The following BICC1 variants were observed in gnomAD, a reference collection of about 807,000 sequenced individuals.
BICC1 encodes protein bicaudal C homolog 1.
Under a neutral mutation model 111.0 loss-of-function variants are expected in BICC1, and 43 were observed. The observed-to-expected ratio is 0.39, with a 90% confidence interval of 0.30 to 0.50. The LOEUF (loss-of-function observed/expected upper bound fraction) is 0.50. Ranked by LOEUF, BICC1 falls within the 20% of genes least tolerant of loss-of-function variation. The pLI is 0.88. For synonymous variants in BICC1, 467 were observed against 434.4 expected (o/e 1.07, Z -0.93); for missense variants, 1,091 against 1,203.2 (o/e 0.91, Z 1.38).
chr10:58,584,923 T>G (rs1217469594), intron 1 of BICC1, among the ~76,000 whole-genome samples: 1 of 152,200 alleles, frequency 6.6e-6, no homozygotes, highest in African/African-American at 2.4e-5. Flanking sequence ...TATTAATGAT[T>G]GTGTATTTTT....
chr10:58,576,474 G>A (rs1844115757), intron 1 of BICC1, among the ~76,000 whole-genome samples: 1 of 152,158 alleles, frequency 6.6e-6, no homozygotes, highest in African/African-American at 2.4e-5. Flanking sequence ...CACGGTTCAT[G>A]TACAAGCAAG....
At position 58,796,507 on chromosome 10, in the gene BICC1, C is replaced by A; in HGVS notation, c.1347C>A (p.Gly449=). 1 of 1,613,660 alleles carries A rather than the reference C, an allele frequency of 6.2e-7. No individual in the cohort carries two copies. Among genetic ancestry groups the A allele is most frequent in the Non-Finnish European group, 8.5e-7 (1 of 1,179,820 alleles). The change falls in exon 10 of 21, where the codon GGC becomes GGA. Residue 449 remains glycine (G), a synonymous_variant. Transcript: ENST00000373886. ...CPSLDILASA[G]LGLTGLGLLG... ...GCCTGGATATCTTAGCTTCAGCAGG[C>A]CTTGGACTCACTGGACTAGGTATAC...
chr10:58,733,011 CT>C (rs1841363321), intron 3 of BICC1, among the ~76,000 whole-genome samples: 3 of 92,628 alleles, frequency 3.2e-5, no homozygotes, highest in Non-Finnish European at 6.3e-5. Flanking sequence ...TTCCACAAAC[CT>C]TAAATTTGTT....
At chr10:58,674,657 G>A (rs989129730) in intron 2 of BICC1, among the ~76,000 whole-genome samples, 1 of 152,124 alleles carries the variant, frequency 6.6e-6, no homozygotes, top group African/African-American at 2.4e-5. Flanking sequence ...TATCATAAGA[G>A]GTGATATAGC....
chr10:58,662,827 C>G (rs1838885694), intron 2 of BICC1, among the ~76,000 whole-genome samples: 1 of 152,146 alleles, frequency 6.6e-6, no homozygotes, highest in African/African-American at 2.4e-5. Flanking sequence ...GAGTTCTGAA[C>G]ATTCAGTTAC....
At chr10:58,586,616 CTCA>C (rs1844436027) in intron 1 of BICC1, among the ~76,000 whole-genome samples, 1 of 44,458 alleles carries the variant, frequency 2.2e-5, no homozygotes, top group African/African-American at 8.2e-5. Context: ...CTCACTCTCT[CTCA>C]AAAAAAAAAA....
chr10:58,602,218 A>G (rs148277605), intron 1 of BICC1, among the ~76,000 whole-genome samples: 1 of 152,286 alleles, frequency 6.6e-6, no homozygotes, highest in East Asian at 1.9e-4. Context: ...ACTGTAGCAG[A>G]TTCATTTTAA....
chr10:58,702,213 G>A, intron 3 of BICC1, 70 bp downstream of exon 3: 2 of 1,290,926 alleles, frequency 1.5e-6, no homozygotes, highest in Admixed American at 1.8e-5. Flanking sequence ...CAGGTTTGCT[G>A]GGGAGAAAAC....
intron 3 of BICC1, among the ~76,000 whole-genome samples, chr10:58,767,529 A>G (rs1842491143): frequency 6.6e-6 from 1 of 152,182 alleles, no homozygotes; most frequent in African/African-American, 2.4e-5. Flanking sequence ...ACACACACGC[A>G]GAAACCCGAC....
Position 58,784,981 on chromosome 10 carries a change from C to G in BICC1, c.308-20C>G, listed in dbSNP as rs768616894. 1 of 1,416,952 alleles carries G rather than the reference C, an allele frequency of 7.1e-7. No homozygotes were observed. The highest frequency in any genetic ancestry group is 9.8e-7 in the Non-Finnish European group (1 of 1,024,648). The allele number at this position is 1,416,952 out of a possible 1,614,324, so 87.8% of individuals were successfully genotyped here. ...CAGAGTTTGGGAGTTTCACACAAGC[C>G]TTTTATTTCTTTCTTATAGATCCCC... On this transcript the variant is annotated intron_variant, in intron 3 of 20. Coordinates refer to ENST00000373886, the MANE Select transcript of BICC1 (RefSeq NM_001080512.3).
intron 3 of BICC1, among the ~76,000 whole-genome samples, chr10:58,765,114 G>T (rs756280956): frequency 2.3e-4 from 35 of 152,036 alleles, no homozygotes; most frequent in Admixed American, 1.1e-3. Flanking sequence ...AGACAGTCTT[G>T]CTCTGTTGCC....
intron 2 of BICC1, 119 bp downstream of exon 2, chr10:58,621,020 G>T: frequency 1.3e-6 from 1 of 774,240 alleles, no homozygotes; most frequent in Admixed American, 2.7e-5. Flanking sequence ...GTTTCTATAC[G>T]GGAGCTGGAA....
At chr10:58,644,960 T>C (rs1838222994) in intron 2 of BICC1, among the ~76,000 whole-genome samples, 1 of 152,142 alleles carries the variant, frequency 6.6e-6, no homozygotes, top group African/African-American at 2.4e-5. Flanking sequence ...TCAAATAGTA[T>C]TATGTTCACA....
intron 1 of BICC1, among the ~76,000 whole-genome samples, chr10:58,519,532 T>G (rs1188790910): frequency 6.6e-6 from 1 of 152,186 alleles, no homozygotes; most frequent in Non-Finnish European, 1.5e-5. Context: ...ATTGGAGACT[T>G]TGGACTGTGC....
chr10:58,638,322 A>G (rs1838012016), intron 2 of BICC1, among the ~76,000 whole-genome samples: 1 of 152,188 alleles, frequency 6.6e-6, no homozygotes, highest in Non-Finnish European at 1.5e-5. Flanking sequence ...AGAGTTAAAA[A>G]AAAAGGCCAT....
At chr10:58,801,698 G>C (rs368141321) in intron 14 of BICC1, among the ~76,000 whole-genome samples, 1 of 151,376 alleles carries the variant, frequency 6.6e-6, no homozygotes, top group Non-Finnish European at 1.5e-5. Context: ...TTAGTTCCTG[G>C]TATACCCTTC....
intron 3 of BICC1, among the ~76,000 whole-genome samples, chr10:58,763,190 A>T (rs1218075683): frequency 6.6e-6 from 1 of 152,254 alleles, no homozygotes; most frequent in Non-Finnish European, 1.5e-5. Context: ...ATATGCTTCC[A>T]ATAATGAATA....
intron 3 of BICC1, among the ~76,000 whole-genome samples, chr10:58,712,115 T>C (rs1362263785): frequency 1.3e-5 from 2 of 152,234 alleles, no homozygotes; most frequent in African/African-American, 2.4e-5. Context: ...CTCAACATCA[T>C]GTACCATTAG....
chr10:58,625,019 T>C (rs916712354), intron 2 of BICC1, among the ~76,000 whole-genome samples: 2 of 152,230 alleles, frequency 1.3e-5, no homozygotes, highest in Non-Finnish European at 2.9e-5. Flanking sequence ...AAACTATGTA[T>C]TTGCATTGGA....
Sources: allele counts gnomAD v4.1 joint callset (sites outside exome capture counted in the v4.1 genomes callset), GRCh38; gene constraint gnomAD v4.1.1; transcripts MANE v1.5; gene names NCBI Gene and HGNC (gene_info 2026-07-23, HGNC 2026-07-21).